Variants in SCYL3 observed in about 807,000 individuals in gnomAD.
The protein encoded by SCYL3 is SCY1 like pseudokinase 3, also known as protein-associating with the carboxyl-terminal domain of ezrin.
A neutral mutation model predicts 73.8 loss-of-function variants in SCYL3; 35 were observed. The ratio of observed to expected loss-of-function variants is 0.47; its 90% CI spans 0.36 to 0.63. SCYL3 has a LOEUF of 0.63. Among genes scored for constraint, SCYL3 ranks in the 20% least tolerant of loss-of-function variants. SCYL3 has a pLI of 0.00. For missense variants in SCYL3, 712 were observed against 798.9 expected (o/e 0.89, Z 1.31); for synonymous variants, 277 against 295.2 (o/e 0.94, Z 0.63).
intron 7 of SCYL3, among the ~76,000 whole-genome samples, chr1:169,867,504 T>C (rs756540930): frequency 3.9e-5 from 6 of 152,198 alleles, no homozygotes; most frequent in Non-Finnish European, 5.9e-5. Flanking sequence ...TTCCAAAGGC[T>C]GTGCACTGCT....
intron 12 of SCYL3, 141 bp from the exon 13 acceptor site, chr1:169,853,913 G>A: frequency 3.4e-6 from 3 of 891,554 alleles, no homozygotes; most frequent in Non-Finnish European, 5.1e-6. Flanking sequence ...ATAACTTAGA[G>A]CTCTAACAGA....
intron 10 of SCYL3, among the ~76,000 whole-genome samples, chr1:169,861,420 T>C (rs1277238695): frequency 6.6e-6 from 1 of 152,174 alleles, no homozygotes; most frequent in Non-Finnish European, 1.5e-5. Context: ...CCCCCCAAGC[T>C]TCCTGAAAAT....
intron 3 of SCYL3, 87 bp from the exon 4 acceptor site, chr1:169,876,178 CA>C (rs1660789529): frequency 8.4e-6 from 6 of 715,262 alleles, no homozygotes; most frequent in Non-Finnish European, 1.3e-5. Flanking sequence ...CTCCATCTCT[CA>C]CAATCTTTAT....
At chr1:169,889,551 G>A (rs1661918187) in intron 1 of SCYL3, among the ~76,000 whole-genome samples, 1 of 152,044 alleles carries the variant, frequency 6.6e-6, no homozygotes, top group African/African-American at 2.4e-5. Context: ...TAAGTAAAAA[G>A]GGGAAACCGC....
In SCYL3 at chr1:169,852,287, G is replaced by A. The variant is rs985737448; in HGVS notation, c.*1426C>T. The A allele has an allele frequency of 1.6e-4, 49 of 314,180 alleles. No individual in the cohort carries two copies. The highest frequency in any genetic ancestry group is 7.2e-4 in the Admixed American group (15 of 20,704). The allele number at this position is 314,180 out of a possible 1,614,324, so 19.5% of individuals were successfully genotyped here. On this transcript the variant is annotated 3_prime_UTR_variant, in exon 13 of 13. Transcript: ENST00000367771. Reference sequence around the variant, plus strand: ...TGATTCCTTGCCTTATTAATCAAATGAGTCTCCTAATAATTTTTGGCAGTA... The same window carrying A: ...TGATTCCTTGCCTTATTAATCAAATAAGTCTCCTAATAATTTTTGGCAGTA...
At chr1:169,870,142 C>A in intron 6 of SCYL3, 113 bp downstream of exon 6, 1 of 747,694 alleles carries the variant, frequency 1.3e-6, no homozygotes, top group Admixed American at 3.1e-5. Flanking sequence ...ACCTGGTAAG[C>A]AAAAGATTCC....
intron 2 of SCYL3, among the ~76,000 whole-genome samples, chr1:169,888,068 A>G (rs1661805559): frequency 1.3e-5 from 2 of 152,234 alleles, no homozygotes; most frequent in Admixed American, 6.5e-5. Context: ...GAATTCCTAA[A>G]TTTCCAAAGT....
intron 2 of SCYL3, among the ~76,000 whole-genome samples, chr1:169,886,069 T>C (rs1382097734): frequency 6.6e-6 from 1 of 152,068 alleles, no homozygotes; most frequent in Non-Finnish European, 1.5e-5. Flanking sequence ...TCCCAGCACT[T>C]TGAGAGGCTG....
intron 3 of SCYL3, 26 bp from the exon 4 acceptor site, chr1:169,876,117 A>G: frequency 7.6e-7 from 1 of 1,324,286 alleles, no homozygotes; most frequent in South Asian, 1.3e-5. Flanking sequence ...AACAGAAGGA[A>G]GAGTGCCACT....
At chr1:169,871,167 A>C (rs1273967189) in intron 5 of SCYL3, among the ~76,000 whole-genome samples, 1 of 152,230 alleles carries the variant, frequency 6.6e-6, no homozygotes, top group African/African-American at 2.4e-5. Context: ...GGATTCCAGC[A>C]AAGTGCAACT....
chr1:169,871,176 C>A (rs998266616), intron 5 of SCYL3, among the ~76,000 whole-genome samples: 6 of 152,172 alleles, frequency 3.9e-5, no homozygotes, highest in African/African-American at 1.4e-4. Flanking sequence ...CAAAGTGCAA[C>A]TACTGATAAT....
chr1:169,854,591 T>C lies in SCYL3; in HGVS notation c.1686A>G (p.Lys562=). The C allele has an allele frequency of 6.2e-7, 1 of 1,613,880 alleles. No individual in the cohort carries two copies. The highest frequency in any genetic ancestry group is 8.5e-7 in the Non-Finnish European group (1 of 1,179,888). Reference sequence around the variant, plus strand: ...GGCTAATCTTTTGGGGTAAGCTTGATTTCCAAGGCATAGACTCTTCAGTGA... The same window carrying C: ...GGCTAATCTTTTGGGGTAAGCTTGACTTCCAAGGCATAGACTCTTCAGTGA... ...LSLTEESMPW[K]SSLPQKISLV... The change falls in exon 12 of 13, where the codon AAA becomes AAG. Residue 562 remains lysine, a synonymous_variant. Transcript: ENST00000367771.
At position 169,859,028 on chromosome 1, in the gene SCYL3, T is replaced by G. The variant is rs1659423244; in HGVS notation, c.1312+13A>C. The G allele has an allele frequency of 6.2e-7, 1 of 1,610,188 alleles. No homozygotes were observed. The highest frequency in any genetic ancestry group is 1.7e-5 in the Admixed American group (1 of 58,772). On this transcript the variant is annotated intron_variant, in intron 11 of 12. Transcript: ENST00000367771. ...ATGACACACAAAAAGTTAGACCTTT[T>G]AATAATTCTTACCTTCTAGAGAAAG...
At position 169,859,062 on chromosome 1, in the gene SCYL3, T is replaced by G. The variant is rs1164879510; in HGVS notation, c.1291A>C (p.Asn431His). 26 of 1,613,454 alleles carry G rather than the reference T, an allele frequency of 1.6e-5. No individual in the cohort carries two copies. Among genetic ancestry groups the G allele is most frequent in the Non-Finnish European group, 2.0e-5 (24 of 1,179,872 alleles). ...TTACCTTCTAGAGAAAGGTCAGTAT[T>G]TTTAGTAAAACTTGGGGCAGTGCGT... Reference protein sequence around the residue: ...FKRTAPSFTKNTDLSLEGDPF... With the variant: ...FKRTAPSFTKHTDLSLEGDPF... Residue 431 changes from asparagine (N) to histidine (H), a missense_variant, in exon 11 of 13, where the codon AAT (asparagine) becomes CAT (histidine). This residue lies in a region of SCYL3 where 370 missense variants were observed against 350.8 expected (regional missense o/e 1.05). Coordinates refer to ENST00000367771, the MANE Select transcript of SCYL3 (RefSeq NM_020423.7).
chr1:169,853,305 AT>A lies in SCYL3; in HGVS notation c.*407del, dbSNP rs1438520350. 91 of 340,538 alleles carry A rather than the reference AT, an allele frequency of 2.7e-4. No homozygotes were observed. The East Asian group carries it at 3.0e-3, about 11-fold the overall frequency. The allele number at this position is 340,538 out of a possible 1,614,324, so 21.1% of individuals were successfully genotyped here. A position where few individuals can be genotyped will look rare whatever the true frequency, so the allele number is the denominator to read the frequency against. Reference sequence around the variant, plus strand: ...ATCATTTATATAATTTATAGCTAAAATTTTTTAAAGTTGTATTTCATAATAG... The same window carrying A: ...ATCATTTATATAATTTATAGCTAAAATTTTTAAAGTTGTATTTCATAATAG... On this transcript the variant is annotated 3_prime_UTR_variant, in exon 13 of 13. Transcript: ENST00000367771.
At chr1:169,861,639 C>A (rs571215783) in intron 10 of SCYL3, among the ~76,000 whole-genome samples, 202 of 152,330 alleles carry the variant, frequency 1.3e-3, no homozygotes, top group Non-Finnish European at 2.4e-3. Flanking sequence ...GGGGTACTTA[C>A]ATGGCAACGG....
At chr1:169,872,793 G>C (rs1196497437) in intron 5 of SCYL3, among the ~76,000 whole-genome samples, 4 of 152,130 alleles carry the variant, frequency 2.6e-5, no homozygotes, top group South Asian at 2.1e-4. Flanking sequence ...CTGCCTCACT[G>C]GATTTCACAC....
chr1:169,853,972 C>CA, intron 12 of SCYL3, 200 bp from the exon 13 acceptor site: 2 of 638,022 alleles, frequency 3.1e-6, no homozygotes, highest in Non-Finnish European at 5.3e-6. Context: ...AATAGCTTTT[C>CA]AAAAACCATA....
chr1:169,880,486 A>C (rs1200933143), intron 2 of SCYL3, among the ~76,000 whole-genome samples: 1 of 140,074 alleles, frequency 7.1e-6, no homozygotes, highest in African/African-American at 2.6e-5. Flanking sequence ...GGAGGGCAAG[A>C]AACAATGAAA....
Sources: allele counts gnomAD v4.1 joint callset (sites outside exome capture counted in the v4.1 genomes callset), GRCh38; gene constraint gnomAD v4.1.1; regional missense constraint gnomAD v4.1.1; transcripts MANE v1.5; gene names NCBI Gene and HGNC (gene_info 2026-07-23, HGNC 2026-07-21).